Variants in TSC22D3 observed in about 807,000 individuals in gnomAD.
TSC22D3 encodes TSC22 domain family member 3.
In TSC22D3, 4 loss-of-function variants were observed where a neutral mutation model predicts 11.1. The ratio of observed to expected loss-of-function variants is 0.36; its 90% CI spans 0.18 to 0.83. The LOEUF (loss-of-function observed/expected upper bound fraction) is 0.83, where lower values mean the gene tolerates loss of function less well. TSC22D3 is among the 40% of genes least tolerant of loss of function. TSC22D3 has a pLI of 0.48. For synonymous variants in TSC22D3, 77 were observed against 70.3 expected (o/e 1.10, Z -0.48); for missense variants, 118 against 159.4 (o/e 0.74, Z 1.40).
In TSC22D3 at chrX:107,775,445, C is replaced by T; in HGVS notation, c.-26G>A. The T allele has an allele frequency of 8.8e-7, 1 of 1,140,405 alleles. No individual in the cohort carries two copies. The allele number at this position is 1,140,405 out of a possible 1,213,427, so 94.0% of individuals were successfully genotyped here. A position where few individuals can be genotyped will look rare whatever the true frequency, so the allele number is the denominator to read the frequency against. ...CTTCTCAGGCTCGGAGGTCGCCTGG[C>T]CTGCGAGGTCAGGGGCGGCTGGCAG... On this transcript the variant is annotated 5_prime_UTR_variant, in exon 1 of 3. Coordinates refer to ENST00000372383, the MANE Select transcript of TSC22D3 (RefSeq NM_198057.3).
At chrX:107,724,749 C>T (rs1927529503) in intron 1 of TSC22D3, among the ~76,000 whole-genome samples, 1 of 112,247 alleles carries the variant, frequency 8.9e-6, no homozygotes, top group African/African-American at 3.3e-5. Flanking sequence ...CACGGGGGAA[C>T]CAATTTGAAG....
At chrX:107,724,296 C>G in intron 1 of TSC22D3, among the ~76,000 whole-genome samples, 1 of 112,958 alleles carries the variant, frequency 8.9e-6, no homozygotes, top group Non-Finnish European at 1.9e-5. Context: ...GCCAGCTTCT[C>G]CCTGGGGAGG....
At chrX:107,753,798 C>T (rs1402531450) in intron 1 of TSC22D3, among the ~76,000 whole-genome samples, 2 of 111,937 alleles carry the variant, frequency 1.8e-5, no homozygotes, top group African/African-American at 6.5e-5. Context: ...CTCCCTACAT[C>T]CAGTTTCTTC....
At chrX:107,750,537 A>G (rs957530034) in intron 1 of TSC22D3, among the ~76,000 whole-genome samples, 5 of 111,492 alleles carry the variant, frequency 4.5e-5, no homozygotes, top group East Asian at 2.8e-4. Flanking sequence ...GGCAAGGGGC[A>G]TTGGGCCTGA....
At chrX:107,748,312 C>T (rs1208042816) in intron 1 of TSC22D3, among the ~76,000 whole-genome samples, 1 of 111,865 alleles carries the variant, frequency 8.9e-6, no homozygotes, top group African/African-American at 3.3e-5. Flanking sequence ...CTTTCCAATT[C>T]TAGCACTTGA....
intron 1 of TSC22D3, among the ~76,000 whole-genome samples, chrX:107,733,903 G>A (rs372720512): frequency 2.3e-4 from 26 of 111,667 alleles, no homozygotes; most frequent in Non-Finnish European, 4.7e-4. Flanking sequence ...CTCTAGGTTC[G>A]GCAGGCACTG....
chrX:107,775,559 AGC>A lies in TSC22D3; in HGVS notation c.-142_-141del. The A allele has an allele frequency of 2.1e-6, 1 of 479,996 alleles. No individual in the cohort carries two copies. The highest frequency in any genetic ancestry group is 3.5e-5 in the South Asian group (1 of 28,309). 39.6% of individuals were successfully genotyped at this position (479,996 alleles called of 1,213,427 possible). The stretch of plus-strand genomic sequence containing the variant: ...AAAAGAGTTGGAAATTAGCGCCTAA[AGC>A]CAGCCACCTTCGGCTCGGCCCCCTT... On this transcript the variant is annotated 5_prime_UTR_variant, in exon 1 of 3. Coordinates refer to ENST00000372383, the MANE Select transcript of TSC22D3 (RefSeq NM_198057.3).
chrX:107,761,873 T>G (rs1309194796), intron 1 of TSC22D3, among the ~76,000 whole-genome samples: 4 of 112,372 alleles, frequency 3.6e-5, no homozygotes, highest in Non-Finnish European at 3.8e-5. Context: ...CAAGAATCAC[T>G]CACAGCGGGG....
At chrX:107,731,889 C>T (rs1251740404) in intron 1 of TSC22D3, among the ~76,000 whole-genome samples, 2 of 106,977 alleles carry the variant, frequency 1.9e-5, no homozygotes, top group Non-Finnish European at 3.9e-5. Context: ...AGGGAGAGGG[C>T]TGTAGGAAGG....
chrX:107,773,677 A>G (rs988349193), intron 1 of TSC22D3, among the ~76,000 whole-genome samples: 6 of 112,082 alleles, frequency 5.4e-5, no homozygotes, highest in African/African-American at 1.9e-4. Context: ...AAAGGGCTTC[A>G]ATGGTGTCGA....
intron 1 of TSC22D3, among the ~76,000 whole-genome samples, chrX:107,741,193 G>A (rs759954279): frequency 3.6e-5 from 4 of 112,628 alleles, no homozygotes; most frequent in African/African-American, 1.3e-4. Flanking sequence ...TTCTCCCTGG[G>A]GTTGCTTCTA....
At chrX:107,754,906 G>A (rs747280527) in intron 1 of TSC22D3, among the ~76,000 whole-genome samples, 4 of 111,706 alleles carry the variant, frequency 3.6e-5, no homozygotes, top group African/African-American at 9.8e-5. Context: ...CAAGCTTAGC[G>A]TTCCAATAAT....
chrX:107,756,269 T>C (rs1467056838), intron 1 of TSC22D3, among the ~76,000 whole-genome samples: 1 of 112,596 alleles, frequency 8.9e-6, no homozygotes, highest in Non-Finnish European at 1.9e-5. Context: ...TAATATTTAC[T>C]GTAAATTAAC....
chrX:107,766,623 C>T lies in TSC22D3; in HGVS notation c.320+8477G>A, dbSNP rs1929672713. ...GATAGTAGGTTCCTCCCTGCCACCTCCAAAATGCCTCAAGCCAAATTAAGT... is the reference window on the plus strand; with the variant it reads ...GATAGTAGGTTCCTCCCTGCCACCTTCAAAATGCCTCAAGCCAAATTAAGT... On this transcript the variant is annotated intron_variant, in intron 1 of 2. Coordinates refer to ENST00000372383, the MANE Select transcript of TSC22D3 (RefSeq NM_198057.3). 4.5e-5 allele frequency among the ~76,000 whole-genome samples: 5 copies of T among 111,027 alleles called. No individual in the cohort carries two copies. The South Asian group carries it at 1.9e-3, about 43-fold the overall frequency.
intron 1 of TSC22D3, among the ~76,000 whole-genome samples, chrX:107,734,878 TAAAAAAAAAAAA>T (rs781386272): frequency 2.7e-5 from 1 of 37,276 alleles, no homozygotes; most frequent in Non-Finnish European, 4.2e-5. Flanking sequence ...CAACTCTACG[TAAAAAAAAAAAA>T]AAAAAAAAAA....
At chrX:107,757,721 C>A (rs1602409587) in intron 1 of TSC22D3, among the ~76,000 whole-genome samples, 2 of 110,185 alleles carry the variant, frequency 1.8e-5, no homozygotes, top group Middle Eastern at 9.1e-3. Context: ...CCCCTTTCCC[C>A]TCCCGTTCCC....
intron 1 of TSC22D3, among the ~76,000 whole-genome samples, chrX:107,749,155 T>A (rs1273683263): frequency 1.0e-5 from 1 of 100,285 alleles, no homozygotes; most frequent in East Asian, 3.2e-4. Context: ...GCCAACATGG[T>A]GAAACCCTGT....
intron 1 of TSC22D3, among the ~76,000 whole-genome samples, chrX:107,765,418 C>T (rs1381194606): frequency 8.9e-6 from 1 of 112,204 alleles, no homozygotes; most frequent in African/African-American, 3.2e-5. Flanking sequence ...GCTATACCCT[C>T]AGCTCCTCAG....
chrX:107,756,362 A>G (rs955319668), intron 1 of TSC22D3, among the ~76,000 whole-genome samples: 6 of 112,600 alleles, frequency 5.3e-5, no homozygotes, highest in Admixed American at 4.7e-4. Context: ...TGTTAGCTGT[A>G]TATTCCCCCA....
Sources: allele counts gnomAD v4.1 joint callset (sites outside exome capture counted in the v4.1 genomes callset), GRCh38; gene constraint gnomAD v4.1.1; transcripts MANE v1.5; gene names NCBI Gene and HGNC (gene_info 2026-07-23, HGNC 2026-07-21).